The following FHIT variants were observed in gnomAD, a reference collection of about 807,000 sequenced individuals.
The protein encoded by FHIT is bis(5'-adenosyl)-triphosphatase.
In FHIT, 19 loss-of-function variants were observed where a neutral mutation model predicts 17.9. The observed-to-expected ratio is 1.06, with a 90% CI of 0.74 to 1.56. FHIT has a LOEUF of 1.56. FHIT is among the 40% of genes most tolerant of loss of function. FHIT has a pLI of 0.00. For synonymous variants in FHIT, 81 were observed against 69.7 expected (o/e 1.16, Z -0.81); for missense variants, 248 against 189.2 (o/e 1.31, Z -1.82).
intron 5 of FHIT, among the ~76,000 whole-genome samples, chr3:60,059,878 C>A (rs1295651020): frequency 6.6e-6 from 1 of 152,124 alleles, no homozygotes; most frequent in East Asian, 1.9e-4. Context: ...TTCTTCAAAT[C>A]GACAATGGTT....
At chr3:60,731,139 A>G (rs1289582157) in intron 4 of FHIT, among the ~76,000 whole-genome samples, 1 of 152,062 alleles carries the variant, frequency 6.6e-6, no homozygotes, top group Non-Finnish European at 1.5e-5. Context: ...TCAAAAATAA[A>G]TAAATAAATA....
chr3:61,036,911 T>TG (rs1346309097), intron 3 of FHIT, among the ~76,000 whole-genome samples: 5 of 112,304 alleles, frequency 4.5e-5, no homozygotes, highest in African/African-American at 6.5e-5. Flanking sequence ...GTTTTTTTTT[T>TG]TTGTTTGTTT....
chr3:59,987,113 T>A (rs1210186460), intron 7 of FHIT, among the ~76,000 whole-genome samples: 1 of 138,896 alleles, frequency 7.2e-6, no homozygotes, highest in African/African-American at 2.5e-5. Flanking sequence ...AAAATCTATA[T>A]ATTTTATATA....
At chr3:60,156,951 T>C (rs1490466501) in intron 5 of FHIT, among the ~76,000 whole-genome samples, 2 of 152,056 alleles carry the variant, frequency 1.3e-5, no homozygotes, top group South Asian at 2.1e-4. Flanking sequence ...ATTAAATATA[T>C]ATAAAATAGA....
intron 6 of FHIT, 120 bp downstream of exon 6, chr3:60,013,887 G>T: frequency 2.9e-6 from 3 of 1,034,738 alleles, no homozygotes; most frequent in South Asian, 1.6e-5. Context: ...TCTTTTTTTG[G>T]CTGCTACCTA....
intron 5 of FHIT, among the ~76,000 whole-genome samples, chr3:60,169,152 T>C (rs1017449506): frequency 6.6e-6 from 1 of 152,178 alleles, no homozygotes; most frequent in Non-Finnish European, 1.5e-5. Context: ...TGTGCCAAAA[T>C]AATGAAAGAA....
chr3:59,958,621 T>C (rs1372206997), intron 7 of FHIT, among the ~76,000 whole-genome samples: 1 of 152,194 alleles, frequency 6.6e-6, no homozygotes, highest in Non-Finnish European at 1.5e-5. Context: ...TAGAGGGTTG[T>C]ATTAAGAAGC....
intron 5 of FHIT, among the ~76,000 whole-genome samples, chr3:60,492,048 T>C (rs1006605782): frequency 1.3e-5 from 2 of 152,218 alleles, no homozygotes; most frequent in African/African-American, 4.8e-5. Flanking sequence ...TGGTGGAATG[T>C]TGACATCTCG....
intron 3 of FHIT, among the ~76,000 whole-genome samples, chr3:60,892,698 T>C (rs1375120606): frequency 2.0e-5 from 3 of 152,182 alleles, no homozygotes; most frequent in Non-Finnish European, 4.4e-5. Flanking sequence ...CATAAAAGCA[T>C]TAGAAAGACA....
intron 5 of FHIT, among the ~76,000 whole-genome samples, chr3:60,329,507 A>G (rs1390883771): frequency 3.3e-5 from 5 of 152,198 alleles, no homozygotes; most frequent in African/African-American, 4.8e-5. Context: ...GTAGTCATGA[A>G]CCTAACCCAG....
At chr3:60,110,144 G>A (rs1004819498) in intron 5 of FHIT, among the ~76,000 whole-genome samples, 12 of 152,162 alleles carry the variant, frequency 7.9e-5, no homozygotes, top group Admixed American at 3.3e-4. Flanking sequence ...CCTCTCATAT[G>A]AGGACACGGG....
At chr3:61,070,481 A>T (rs1463142768) in intron 2 of FHIT, among the ~76,000 whole-genome samples, 1 of 152,156 alleles carries the variant, frequency 6.6e-6, no homozygotes, top group East Asian at 1.9e-4. Context: ...GTGGAAATGG[A>T]CAGACTTGTG....
intron 1 of FHIT, among the ~76,000 whole-genome samples, chr3:61,227,355 A>T (rs1190175530): frequency 6.6e-6 from 1 of 152,224 alleles, no homozygotes; most frequent in African/African-American, 2.4e-5. Flanking sequence ...ACATAAGGGC[A>T]AAAGTTAATC....
chr3:61,120,861 G>T (rs1489163292), intron 2 of FHIT, among the ~76,000 whole-genome samples: 2 of 151,866 alleles, frequency 1.3e-5, no homozygotes, highest in African/African-American at 4.8e-5. Context: ...AAGGTTAGAG[G>T]AATTGCTAAC....
At chr3:60,662,377 C>G (rs879948345) in intron 4 of FHIT, among the ~76,000 whole-genome samples, 2 of 152,176 alleles carry the variant, frequency 1.3e-5, no homozygotes, top group Non-Finnish European at 1.5e-5. Flanking sequence ...TCTGGGTTCT[C>G]TATTCTGCTC....
chr3:59,783,016 C>G (rs974532518), intron 8 of FHIT, among the ~76,000 whole-genome samples: 1 of 152,080 alleles, frequency 6.6e-6, no homozygotes. Context: ...TGCTATTTAG[C>G]AAATCCCTAG....
chr3:60,048,730 G>A (rs1158791645), intron 5 of FHIT, among the ~76,000 whole-genome samples: 4 of 152,112 alleles, frequency 2.6e-5, no homozygotes, highest in African/African-American at 9.7e-5. Flanking sequence ...TGGAAACCAT[G>A]TTCATCAGAA....
intron 4 of FHIT, among the ~76,000 whole-genome samples, chr3:60,581,148 T>C (rs2037737053): frequency 6.6e-6 from 1 of 152,144 alleles, no homozygotes; most frequent in African/African-American, 2.4e-5. Context: ...ACATTATTTC[T>C]ACTTTATGTA....
intron 1 of FHIT, among the ~76,000 whole-genome samples, chr3:61,246,502 T>C (rs1225546843): frequency 6.6e-6 from 1 of 152,162 alleles, no homozygotes; most frequent in African/African-American, 2.4e-5. Flanking sequence ...TTAAACAATT[T>C]CCCAAATGCC....
Sources: allele counts gnomAD v4.1 joint callset (sites outside exome capture counted in the v4.1 genomes callset), GRCh38; gene constraint gnomAD v4.1.1; transcripts MANE v1.5; gene names NCBI Gene and HGNC (gene_info 2026-07-23, HGNC 2026-07-21).